Variants in TLCD5 observed in about 807,000 individuals in gnomAD.
The protein encoded by TLCD5 is TLC domain-containing protein 5.
In TLCD5, 15 loss-of-function variants were observed where a neutral mutation model predicts 20.5. That is an observed-to-expected ratio of 0.73 (90% confidence interval 0.49 to 1.13). The LOEUF (loss-of-function observed/expected upper bound fraction) is 1.13. TLCD5 is among the 50% of genes most tolerant of loss of function. TLCD5 has a pLI of 0.00. For missense variants in TLCD5, 289 were observed against 305.6 expected, an observed-to-expected ratio of 0.95 and a Z score of 0.41; for synonymous variants, 107 against 114.7, an observed-to-expected ratio of 0.93 and a Z score of 0.43.
In TLCD5 at chr11:120,327,485, G is replaced by T; in HGVS notation, c.44G>T (p.Gly15Val). The change falls in exon 2 of 3, where the codon GGC (glycine) becomes GTC (valine). Residue 15 changes from glycine (G) to valine (V), a missense_variant. Coordinates refer to ENST00000375095, the MANE Select transcript of TLCD5 (RefSeq NM_001198671.2). ...CTGCAGGTGCTGTGCAGCCTGTGTGGCTGGCTCTCGCTCTATATTTCTTTC... is the reference window on the plus strand; with the variant it reads ...CTGCAGGTGCTGTGCAGCCTGTGTGTCTGGCTCTCGCTCTATATTTCTTTC... ...LCLQVLCSLC[G>V]WLSLYISFCH... 4.3e-6 allele frequency: 7 copies of T among 1,614,194 alleles called. No homozygotes were observed. Among genetic ancestry groups the T allele is most frequent in the Non-Finnish European group, 5.1e-6 (6 of 1,180,040 alleles).
At position 120,330,594 on chromosome 11, in the gene TLCD5, C is replaced by T. The variant is rs2135171958; in HGVS notation, c.*79C>T. 1 of 1,456,778 alleles carries T rather than the reference C, an allele frequency of 6.9e-7. No individual in the cohort carries two copies. The highest frequency in any genetic ancestry group is 9.2e-7 in the Non-Finnish European group (1 of 1,092,862). 90.2% of individuals were successfully genotyped at this position (1,456,778 alleles called of 1,614,324 possible). ...TGGAAATATGACTGTTACATAATTA[C>T]ACTTATAACAAACTTAGGTTTCAAT... is the stretch of plus-strand genomic sequence containing the variant. On this transcript the variant is annotated 3_prime_UTR_variant, in exon 3 of 3. Coordinates refer to ENST00000375095, the MANE Select transcript of TLCD5 (RefSeq NM_001198671.2).
At chr11:120,325,482 C>T (rs931670332) in intron 1 of TLCD5, 114 bp downstream of exon 1, 3 of 152,126 alleles carry the variant, frequency 2.0e-5, no homozygotes, top group Non-Finnish European at 4.4e-5. Flanking sequence ...GAGCGGGCCT[C>T]CTCCTGCCTC....
intron 1 of TLCD5, 64 bp from the exon 2 acceptor site, chr11:120,327,377 T>G (rs1200861183): frequency 1.9e-6 from 3 of 1,612,824 alleles, no homozygotes; most frequent in Non-Finnish European, 1.7e-6. Flanking sequence ...ATACACAAAA[T>G]GACCCAGTGC....
intron 2 of TLCD5, among the ~76,000 whole-genome samples, chr11:120,328,345 T>C (rs1942047779): frequency 6.6e-6 from 1 of 152,142 alleles, no homozygotes; most frequent in Non-Finnish European, 1.5e-5. Context: ...CCTCCCAAAG[T>C]GCTGGGATTA....
Position 120,327,466 on chromosome 11 carries a change from G to A in TLCD5, c.25G>A (p.Val9Met). 6.2e-7 allele frequency: 1 copy of A among 1,614,186 alleles called. No homozygotes were observed. The highest frequency in any genetic ancestry group is 8.5e-7 in the Non-Finnish European group (1 of 1,180,034). The change falls in exon 2 of 3, where the codon GTG (valine) becomes ATG (methionine). Residue 9 changes from valine (V) to methionine (M), a missense_variant. By Grantham distance (21) the Val-to-Met change is conservative. Transcript: ENST00000375095. ...GATGGCATTAGCTCTGTGTCTGCAG[G>A]TGCTGTGCAGCCTGTGTGGCTGGCT... The part of the protein sequence containing the change: MALALCLQ[V>M]LCSLCGWLSL...
chr11:120,325,967 T>C (rs115655275), intron 1 of TLCD5, among the ~76,000 whole-genome samples: 1,678 of 152,348 alleles, frequency 0.011, 32 homozygotes, highest in African/African-American at 0.038. Flanking sequence ...CCAAATGAGC[T>C]GATCCGCATT....
rs1942154368 is a variant in TLCD5 at position 120,331,632 on chromosome 11, A to T, written c.*1117A>T. 1 of 152,226 alleles carries T rather than the reference A, an allele frequency of 6.6e-6. No individual in the cohort carries two copies. Among genetic ancestry groups the T allele is most frequent in the South Asian group, 2.1e-4 (1 of 4,828 alleles). 9.4% of individuals were successfully genotyped at this position (152,226 alleles called of 1,614,324 possible). ...CAGGCCTCTCCAAGGATAGCAGTTT[A>T]GGCCTGCTATGTTAACTCTTTTCTG... On this transcript the variant is annotated 3_prime_UTR_variant, in exon 3 of 3. Transcript: ENST00000375095. This position sits in a 1 kb window ranked among gnomAD's most constrained non-coding sequence, Gnocchi z 4.5.
In TLCD5 at chr11:120,327,513, C is replaced by T. The variant is rs756832816; in HGVS notation, c.72C>T (p.Cys24=). 6.2e-7 allele frequency: 1 copy of T among 1,614,200 alleles called. No homozygotes were observed. Residue 24 remains cysteine (C), a synonymous_variant, in exon 2 of 3, where the codon TGC becomes TGT. Coordinates refer to ENST00000375095, the MANE Select transcript of TLCD5 (RefSeq NM_001198671.2). ...GGCTCTCGCTCTATATTTCTTTCTG[C>T]CACCTGAATAAGCACCGAAGCTATG... ...CGWLSLYISF[C]HLNKHRSYEW...
chr11:120,327,234 C>G (rs1199991584), intron 1 of TLCD5: 1 of 865,334 alleles, frequency 1.2e-6, no homozygotes, highest in African/African-American at 1.7e-5. Flanking sequence ...TGACCAGTTG[C>G]TAACATGTTA....
intron 2 of TLCD5, among the ~76,000 whole-genome samples, chr11:120,328,863 GTATGTA>G: frequency 7.8e-6 from 1 of 127,976 alleles, no homozygotes; most frequent in Non-Finnish European, 1.7e-5. Flanking sequence ...GTGTGTGTGT[GTATGTA>G]TATGTATGCA....
chr11:120,325,704 G>A (rs953117415), intron 1 of TLCD5, among the ~76,000 whole-genome samples: 2 of 152,208 alleles, frequency 1.3e-5, no homozygotes, highest in Admixed American at 1.3e-4. Context: ...GCCCTGGAAC[G>A]GGAGAAACCA....
In TLCD5 at chr11:120,332,520, T is replaced by TTTGTTGTTG. The variant is rs531300237; in HGVS notation, c.*2026_*2034dup. ...TAATCTAACGTAATGAATGGTGTCT[T>TTTGTTGTTG]TTGTTGTTGTTGTTGTTGTTGTTGT... On this transcript the variant is annotated 3_prime_UTR_variant, in exon 3 of 3. Transcript: ENST00000375095. The surrounding 1 kb of genome is among the most constrained non-coding windows in gnomAD (Gnocchi z 4.2). 6.6e-6 allele frequency: 1 copy of TTTGTTGTTG among 151,608 alleles called. No individual in the cohort carries two copies. The highest frequency in any genetic ancestry group is 1.5e-5 in the Non-Finnish European group (1 of 68,040). The allele number at this position is 151,608 out of a possible 1,614,324, so 9.4% of individuals were successfully genotyped here. A position where few individuals can be genotyped will look rare whatever the true frequency, so the allele number is the denominator to read the frequency against.
rs770994355 is a variant in TLCD5, at chr11:120,329,950, A to G, written c.200-27A>G. On this transcript the variant is annotated intron_variant, in intron 2 of 2. Coordinates refer to ENST00000375095, the MANE Select transcript of TLCD5 (RefSeq NM_001198671.2). ...AGGTAACACAATTCCCAGTCACTCA[A>G]TTTGCTTCTGTCTTGGTTTGTTTCA... The G allele has an allele frequency of 7.5e-6, 12 of 1,590,114 alleles. No individual in the cohort carries two copies. The African/African-American group carries it at 1.1e-4, about 14-fold the overall frequency.
In TLCD5 at chr11:120,330,305, A is replaced by G. The variant is rs1160106646; in HGVS notation, c.528A>G (p.Gly176=). 6.4e-7 allele frequency: 1 copy of G among 1,572,986 alleles called. No individual in the cohort carries two copies. The highest frequency in any genetic ancestry group is 1.3e-5 in the African/African-American group (1 of 74,190). ...TCACAGGAGTGAGGATTGGTGTGGG[A>G]GCTTGCCTCCTTTTCTGTGAAATGG... The part of the protein sequence containing the change: ...ALFTGVRIGV[G]ACLLFCEMVS... The change falls in exon 3 of 3, where the codon GGA becomes GGG. Residue 176 remains glycine (G), a synonymous_variant. Coordinates refer to ENST00000375095, the MANE Select transcript of TLCD5 (RefSeq NM_001198671.2).
At chr11:120,329,864 T>G in intron 2 of TLCD5, 113 bp from the exon 3 acceptor site, 1 of 1,051,328 alleles carries the variant, frequency 9.5e-7, no homozygotes, top group Non-Finnish European at 1.4e-6. Context: ...TGCCTGCTAT[T>G]GTTTTTGTTT....
Position 120,328,678 on chromosome 11 carries a change from A to AGTGTGTGTGTGT in TLCD5, c.199+1057_199+1068dup, listed in dbSNP as rs36145001. Among the ~76,000 whole-genome samples, 204 of 24,104 alleles carry AGTGTGTGTGTGT rather than the reference A, an allele frequency of 8.5e-3. 3 individuals are homozygous for AGTGTGTGTGTGT. Among genetic ancestry groups the AGTGTGTGTGTGT allele is most frequent in the Middle Eastern group, 0.029 (1 of 34 alleles). The allele number at this position is 24,104 out of a possible 152,430, so 15.8% of individuals were successfully genotyped here. ...AATCCCTTCTAAGGATAACAGTCAT[A>AGTGTGTGTGTGT]GTGTGTGTGTGTGTGTGTGTGTGTG... On this transcript the variant is annotated intron_variant, in intron 2 of 2. Coordinates refer to ENST00000375095, the MANE Select transcript of TLCD5 (RefSeq NM_001198671.2).
chr11:120,330,451 C>T lies in TLCD5; in HGVS notation c.674C>T (p.Ala225Val). The T allele has an allele frequency of 6.2e-7, 1 of 1,614,140 alleles. No individual in the cohort carries two copies. Among genetic ancestry groups the T allele is most frequent in the Non-Finnish European group, 8.5e-7 (1 of 1,180,036 alleles). ...AGGAAGAGCATCAAGAAGTACCATG[C>T]TTGGAGAAGCAGGCGGAGTGAGGAA... ...AWRKSIKKYH[A>V]WRSRRSEERQ... is the part of the protein sequence containing the mutation. The change falls in exon 3 of 3, where the codon GCT becomes GTT. Residue 225 changes from alanine (A) to valine (V), a missense_variant. Ala to Val is a moderately conservative substitution (Grantham distance 64). Transcript: ENST00000375095.
intron 2 of TLCD5, among the ~76,000 whole-genome samples, 181 bp from the exon 3 acceptor site, chr11:120,329,796 T>C (rs980973895): frequency 3.9e-5 from 6 of 152,198 alleles, no homozygotes; most frequent in African/African-American, 1.4e-4. Flanking sequence ...ATCGTTTAGT[T>C]TGATAAAGAC....
intron 2 of TLCD5, among the ~76,000 whole-genome samples, chr11:120,329,252 G>A (rs1166147214): frequency 6.6e-6 from 1 of 152,050 alleles, no homozygotes; most frequent in Non-Finnish European, 1.5e-5. Flanking sequence ...ACCAGTTAAG[G>A]GCTTTAACGT....
Sources: allele counts gnomAD v4.1 joint callset (sites outside exome capture counted in the v4.1 genomes callset), GRCh38; gene constraint gnomAD v4.1.1; non-coding constraint Gnocchi (gnomAD v3.1); transcripts MANE v1.5; gene names NCBI Gene and HGNC (gene_info 2026-07-23, HGNC 2026-07-21).